SECISBP2L: variants seen among roughly 807,000 people sequenced by gnomAD.
The protein encoded by SECISBP2L is selenocysteine insertion sequence-binding protein 2-like.
A neutral mutation model predicts 114.7 loss-of-function variants in SECISBP2L; 43 were observed. The ratio of observed to expected loss-of-function variants is 0.38; its 90% CI spans 0.29 to 0.48. The LOEUF (loss-of-function observed/expected upper bound fraction) is 0.48. Among genes scored for constraint, SECISBP2L ranks in the 20% least tolerant of loss-of-function variants. SECISBP2L has a pLI of 0.98. For missense variants in SECISBP2L, 1,136 were observed against 1,301.1 expected, an observed-to-expected ratio of 0.87 and a Z score of 1.95; for synonymous variants, 451 against 439.7, an observed-to-expected ratio of 1.03 and a Z score of -0.32.
At position 49,011,909 on chromosome 15, in the gene SECISBP2L, T is replaced by C. The variant is rs148438229; in HGVS notation, c.1732-46A>G. The C allele has an allele frequency of 4.8e-4, 762 of 1,590,136 alleles. 10 individuals carry two copies. In the African/African-American group the frequency reaches 9.0e-3, roughly 19 times the overall value. On this transcript the variant is annotated intron_variant, in intron 12 of 17. Coordinates refer to ENST00000559471, the MANE Select transcript of SECISBP2L (RefSeq NM_001193489.2). ...CTTTAATTACAGATTACTCTTCAAC[T>C]GTGTACAAATGATGACAATATACAT...
intron 1 of SECISBP2L, among the ~76,000 whole-genome samples, chr15:49,038,225 T>A (rs1355986279): frequency 1.3e-5 from 2 of 152,026 alleles, no homozygotes; most frequent in Non-Finnish European, 2.9e-5. Context: ...GGAAATTAGA[T>A]CAGTATCATT....
intron 14 of SECISBP2L, among the ~76,000 whole-genome samples, chr15:49,005,347 C>G (rs1902295134): frequency 6.6e-6 from 1 of 151,916 alleles, no homozygotes; most frequent in Non-Finnish European, 1.5e-5. Flanking sequence ...AAGTCTCCCA[C>G]TATTTTTGTG....
chr15:49,039,168 A>C (rs1903069811), intron 1 of SECISBP2L, among the ~76,000 whole-genome samples: 1 of 152,210 alleles, frequency 6.6e-6, no homozygotes, highest in Non-Finnish European at 1.5e-5. Flanking sequence ...TTACATTTGT[A>C]CTATTAACCA....
At chr15:49,035,780 G>A (rs931659166) in intron 2 of SECISBP2L, 122 bp from the exon 3 acceptor site, 3 of 885,492 alleles carry the variant, frequency 3.4e-6, no homozygotes, top group Non-Finnish European at 3.4e-6. Flanking sequence ...GATAATTTTG[G>A]GAAAGGAGAC....
At chr15:48,999,361 G>A (rs2141061060) in intron 16 of SECISBP2L, among the ~76,000 whole-genome samples, 1 of 152,246 alleles carries the variant, frequency 6.6e-6, no homozygotes, top group South Asian at 2.1e-4. Context: ...GATTGCCAAA[G>A]AGATGATGGT....
chr15:49,032,939 C>A (rs190283961), intron 4 of SECISBP2L, 26 bp downstream of exon 4: 1 of 1,606,168 alleles, frequency 6.2e-7, no homozygotes. Flanking sequence ...AAATCAGTGA[C>A]GCACATGTAA....
At chr15:49,016,803 C>G (rs746151799) in intron 10 of SECISBP2L, 45 bp downstream of exon 10, 3 of 1,587,640 alleles carry the variant, frequency 1.9e-6, no homozygotes, top group Non-Finnish European at 2.6e-6. Flanking sequence ...TCCATCAAAC[C>G]TAGCAAGTAA....
At position 48,989,820 on chromosome 15, in the gene SECISBP2L, T is replaced by C. The variant is rs934479687; in HGVS notation, c.*2424A>G. ...AGCCAACCATGCCCACTTCAAAAAA[T>C]ATATAAAAACTTTCCTAATTTTCAC... On this transcript the variant is annotated 3_prime_UTR_variant, in exon 18 of 18. Transcript: ENST00000559471. 4 of 152,432 alleles carry C rather than the reference T, an allele frequency of 2.6e-5. No homozygotes were observed. The highest frequency in any genetic ancestry group is 9.6e-5 in the African/African-American group (4 of 41,452). 9.4% of individuals were successfully genotyped at this position (152,432 alleles called of 1,614,324 possible). A position where few individuals can be genotyped will look rare whatever the true frequency, so the allele number is the denominator to read the frequency against.
intron 7 of SECISBP2L, among the ~76,000 whole-genome samples, chr15:49,024,496 CAAAAA>C (rs72031518): frequency 1.2e-5 from 1 of 82,770 alleles, no homozygotes. Flanking sequence ...GACTCTGTCT[CAAAAA>C]AAAAAAAAAA....
intron 7 of SECISBP2L, among the ~76,000 whole-genome samples, chr15:49,020,046 T>G (rs1902610243): frequency 6.6e-6 from 1 of 151,974 alleles, no homozygotes; most frequent in African/African-American, 2.4e-5. Flanking sequence ...ATCAGTGGAT[T>G]CTAGGGGATA....
At chr15:48,995,981 G>A (rs1051587098) in intron 17 of SECISBP2L, 1 of 189,902 alleles carries the variant, frequency 5.3e-6, no homozygotes, top group Non-Finnish European at 1.1e-5. Flanking sequence ...ATCTATAACT[G>A]ACTGTGAACA....
intron 16 of SECISBP2L, 32 bp from the exon 17 acceptor site, chr15:48,996,618 T>C (rs1902097531): frequency 6.3e-7 from 1 of 1,579,846 alleles, no homozygotes; most frequent in Non-Finnish European, 8.7e-7. Flanking sequence ...ATTAATCCAT[T>C]TTTTTGTTAC....
chr15:49,037,617 T>G lies in SECISBP2L; in HGVS notation c.177A>C (p.Pro59=), dbSNP rs1435023745. Residue 59 remains proline, a synonymous_variant, in exon 2 of 18, where the codon CCA becomes CCC. Transcript: ENST00000559471. The part of the protein sequence containing the change: ...PIPSYLITCY[P]FVQENQSNRQ... ...TATTGGACTGGTTTTCCTGCACAAATGGGTAACAAGTAATCAGGTAGCTGG... is the reference window on the plus strand; with the variant it reads ...TATTGGACTGGTTTTCCTGCACAAAGGGGTAACAAGTAATCAGGTAGCTGG... The G allele has an allele frequency of 1.9e-6, 3 of 1,613,380 alleles. No homozygotes were observed. The highest frequency in any genetic ancestry group is 2.5e-6 in the Non-Finnish European group (3 of 1,179,836).
intron 14 of SECISBP2L, among the ~76,000 whole-genome samples, chr15:49,008,183 T>C (rs978286776): frequency 6.6e-5 from 10 of 152,238 alleles, no homozygotes; most frequent in African/African-American, 2.4e-4. Flanking sequence ...CAAGCAAATT[T>C]CTACTTTTAT....
intron 15 of SECISBP2L, among the ~76,000 whole-genome samples, chr15:49,000,595 A>C (rs907948227): frequency 1.6e-4 from 25 of 152,256 alleles, no homozygotes; most frequent in African/African-American, 6.0e-4. Flanking sequence ...TTGCCGAAGA[A>C]ATGCATTCTG....
At chr15:49,011,571 C>T in intron 13 of SECISBP2L, 160 bp downstream of exon 13, 1 of 811,526 alleles carries the variant, frequency 1.2e-6, no homozygotes, top group East Asian at 2.7e-5. Context: ...CATCTCCCTA[C>T]AAAAGCATCT....
At chr15:49,012,133 CAA>C (rs35689800) in intron 12 of SECISBP2L, among the ~76,000 whole-genome samples, 6 of 147,000 alleles carry the variant, frequency 4.1e-5, no homozygotes, top group Non-Finnish European at 6.0e-5. Context: ...CTAGAGTTTC[CAA>C]AAAAAAAAAG....
intron 16 of SECISBP2L, among the ~76,000 whole-genome samples, chr15:48,999,211 A>G (rs1300373507): frequency 6.6e-6 from 1 of 152,244 alleles, no homozygotes; most frequent in African/African-American, 2.4e-5. Context: ...GGTTGGGAAA[A>G]GTAGTCTGTC....
At position 49,043,586 on chromosome 15, in the gene SECISBP2L, T is replaced by A. The variant is rs572599563; in HGVS notation, c.24+2690A>T. 1.3e-4 allele frequency among the ~76,000 whole-genome samples: 20 copies of A among 148,202 alleles called. No individual in the cohort carries two copies. The East Asian group carries it at 4.0e-3, about 30-fold the overall frequency. The stretch of plus-strand genomic sequence containing the variant: ...TAAACAAAATGAACTCCATGATTTA[T>A]CCTTCACATCTCAAAATGCAAGTTT... On this transcript the variant is annotated intron_variant, in intron 1 of 17. Transcript: ENST00000559471.
Sources: gnomAD v4.1 joint callset for allele counts (sites outside exome capture counted in the v4.1 genomes callset) on GRCh38, gnomAD v4.1.1 for gene constraint, MANE v1.5 for transcripts, NCBI Gene and HGNC (gene_info 2026-07-23, HGNC 2026-07-21) for gene names.